The following CLEC16A variants were observed in gnomAD, a reference collection of about 807,000 sequenced individuals.
CLEC16A encodes C-type lectin domain containing 16A, also known as protein CLEC16A.
Under a neutral mutation model 109.5 loss-of-function variants are expected in CLEC16A, and 51 were observed. That is an observed-to-expected ratio of 0.47 (90% CI 0.37 to 0.59). The LOEUF is 0.59. Among genes scored for constraint, CLEC16A ranks in the 20% least tolerant of loss-of-function variants. The pLI is 0.00. For synonymous variants in CLEC16A, 673 were observed against 564.2 expected, an observed-to-expected ratio of 1.19 and a Z score of -2.73; for missense variants, 1,339 against 1,394.0, an observed-to-expected ratio of 0.96 and a Z score of 0.63.
chr16:10,984,482 T>C (rs1044249999), intron 10 of CLEC16A, among the ~76,000 whole-genome samples: 2 of 152,234 alleles, frequency 1.3e-5, no homozygotes, highest in Non-Finnish European at 2.9e-5. Flanking sequence ...GTCTGTGCCG[T>C]ATTCGAGCTT....
chr16:11,177,061 G>C (rs535089877), intron 23 of CLEC16A, among the ~76,000 whole-genome samples: 7 of 152,328 alleles, frequency 4.6e-5, no homozygotes, highest in African/African-American at 1.4e-4. Context: ...GTCCCAGGCT[G>C]CTGTCAGACT....
intron 11 of CLEC16A, among the ~76,000 whole-genome samples, chr16:11,006,231 A>T (rs2045000843): frequency 6.6e-6 from 1 of 152,112 alleles, no homozygotes. Context: ...CCACCCCCAG[A>T]GATATTCTGG....
chr16:11,047,016 GT>G (rs3217115), intron 16 of CLEC16A, among the ~76,000 whole-genome samples: 21,854 of 150,166 alleles, frequency 0.15, 1,886 homozygotes, highest in South Asian at 0.24. Flanking sequence ...CTACATAGTA[GT>G]TTTTTTTTTA....
chr16:11,053,554 A>G (rs562337367), intron 18 of CLEC16A, among the ~76,000 whole-genome samples: 6 of 152,130 alleles, frequency 3.9e-5, no homozygotes, highest in South Asian at 4.1e-4. Flanking sequence ...TATTTTTTGT[A>G]GAAATGGGGT....
At chr16:11,059,013 G>GT (rs1480225927) in intron 18 of CLEC16A, among the ~76,000 whole-genome samples, 7 of 152,186 alleles carry the variant, frequency 4.6e-5, no homozygotes, top group Non-Finnish European at 7.3e-5. Flanking sequence ...TGCCATGGAT[G>GT]TTTAAGTTTC....
In CLEC16A at chr16:10,972,967, C is replaced by T. The variant is rs753566066; in HGVS notation, c.634C>T (p.Arg212Ter). 3.1e-6 allele frequency: 5 copies of T among 1,610,936 alleles called. No individual in the cohort carries two copies. Among genetic ancestry groups the T allele is most frequent in the Non-Finnish European group, 4.2e-6 (5 of 1,179,070 alleles). ...LDNQAMLHYI[R>*]DKTAVPYFSN... is the part of the protein sequence containing the mutation. The stretch of plus-strand genomic sequence containing the variant: ...TAACCAGGCCATGCTGCACTACATC[C>T]GAGATAAAACTGCTGTTCCTTACTT... Residue 212 changes from arginine (R) to a stop codon, truncating the protein, a stop_gained, in exon 7 of 24, where the codon CGA becomes TGA. Transcript: ENST00000409790. LOFTEE classifies it high-confidence loss of function.
At chr16:10,994,011 T>TG (rs1379092523) in intron 10 of CLEC16A, among the ~76,000 whole-genome samples, 1 of 152,226 alleles carries the variant, frequency 6.6e-6, no homozygotes, top group East Asian at 1.9e-4. Context: ...TGACGTTACC[T>TG]GCTCCTCATC....
At chr16:11,175,224 A>C (rs1269438813) in intron 23 of CLEC16A, among the ~76,000 whole-genome samples, 4 of 152,232 alleles carry the variant, frequency 2.6e-5, no homozygotes, top group Admixed American at 2.6e-4. Context: ...GGTGCTGGCC[A>C]GGCACATGGG....
intron 19 of CLEC16A, among the ~76,000 whole-genome samples, chr16:11,085,219 G>GA (rs1368159887): frequency 9.9e-5 from 15 of 152,254 alleles, no homozygotes; most frequent in Admixed American, 9.8e-4. Flanking sequence ...AGGATCACGG[G>GA]AAGGGGGCTT....
chr16:11,129,597 C>G (rs11645657), intron 22 of CLEC16A, among the ~76,000 whole-genome samples: 73,337 of 151,988 alleles, frequency 0.48, 18,296 homozygotes, highest in Middle Eastern at 0.59. Context: ...ATCACTGTGG[C>G]CTTCCCTGCC....
In CLEC16A at chr16:11,085,445, G is replaced by C. The variant is rs574422964; in HGVS notation, c.2116+24423G>C. ...CTCGGCCAAGACCCAGCTTTGTCAC[G>C]TGCGTGAGGCCTTGGCTGTCCTCTT... On this transcript the variant is annotated intron_variant, in intron 19 of 23. Coordinates refer to ENST00000409790, the MANE Select transcript of CLEC16A (RefSeq NM_015226.3). Among the ~76,000 whole-genome samples, 49 of 152,410 alleles carry C rather than the reference G, an allele frequency of 3.2e-4. No homozygotes were observed. In the South Asian group the frequency reaches 9.9e-3, roughly 31 times the overall value.
At position 11,174,555 on chromosome 16, in the gene CLEC16A, C is replaced by T. The variant is rs997630350; in HGVS notation, c.2807-3780C>T. ...GAGCCAGACCTGTACAGCCTGGAAACGCTGTCCTTCTCTGTGACATGTGCA... is the reference window on the plus strand; with the variant it reads ...GAGCCAGACCTGTACAGCCTGGAAATGCTGTCCTTCTCTGTGACATGTGCA... On this transcript the variant is annotated intron_variant, in intron 23 of 23. Coordinates refer to ENST00000409790, the MANE Select transcript of CLEC16A (RefSeq NM_015226.3). This position sits in a 1 kb window ranked among gnomAD's most constrained non-coding sequence, Gnocchi z 4.7. Among the ~76,000 whole-genome samples, 4 of 152,376 alleles carry T rather than the reference C, an allele frequency of 2.6e-5. No homozygotes were observed. Among genetic ancestry groups the T allele is most frequent in the East Asian group, 3.9e-4 (2 of 5,192 alleles).
intron 10 of CLEC16A, among the ~76,000 whole-genome samples, chr16:10,986,081 A>G (rs1220946603): frequency 1.7e-5 from 2 of 117,484 alleles, no homozygotes; most frequent in Non-Finnish European, 3.2e-5. Flanking sequence ...CCCAGGCTGG[A>G]GTACAGCGGC....
intron 22 of CLEC16A, among the ~76,000 whole-genome samples, chr16:11,135,608 C>T (rs530052799): frequency 6.0e-4 from 92 of 152,338 alleles, no homozygotes; most frequent in African/African-American, 2.2e-3. Flanking sequence ...TGCCCGGGAG[C>T]CTTCTGGTCA....
intron 7 of CLEC16A, among the ~76,000 whole-genome samples, chr16:10,975,696 G>A (rs2042999803): frequency 6.6e-6 from 1 of 152,046 alleles, no homozygotes; most frequent in Non-Finnish European, 1.5e-5. Context: ...CACCCAGGCT[G>A]GAGTGCAATA....
At chr16:11,090,885 G>A (rs983424914) in intron 19 of CLEC16A, among the ~76,000 whole-genome samples, 5 of 134,940 alleles carry the variant, frequency 3.7e-5, no homozygotes, top group Admixed American at 2.6e-4. Context: ...GGCCAGGCTC[G>A]TCTTGAACTC....
At chr16:11,126,249 A>T in intron 22 of CLEC16A, 103 bp downstream of exon 22, 1 of 1,567,436 alleles carries the variant, frequency 6.4e-7, no homozygotes, top group Non-Finnish European at 8.6e-7. Context: ...CTCTCTCAGA[A>T]GCCCCGTCGG....
At chr16:11,080,456 G>GGA (rs1379216596) in intron 19 of CLEC16A, among the ~76,000 whole-genome samples, 4 of 152,188 alleles carry the variant, frequency 2.6e-5, no homozygotes, top group Non-Finnish European at 4.4e-5. Flanking sequence ...AGGCAGAGGG[G>GGA]GCATCTGCAG....
chr16:10,958,719 C>T (rs1050462010), intron 2 of CLEC16A, among the ~76,000 whole-genome samples: 3 of 152,082 alleles, frequency 2.0e-5, no homozygotes, highest in Non-Finnish European at 4.4e-5. Flanking sequence ...GCCTGGGCAA[C>T]ATACAGAGAC....
Sources: gnomAD v4.1 joint callset for allele counts (sites outside exome capture counted in the v4.1 genomes callset) on GRCh38, gnomAD v4.1.1 for gene constraint, Gnocchi (gnomAD v3.1) non-coding constraint, MANE v1.5 for transcripts, NCBI Gene and HGNC (gene_info 2026-07-23, HGNC 2026-07-21) for gene names.